Variants in SIPA1L2 observed in about 807,000 individuals in gnomAD.
SIPA1L2 encodes the protein signal-induced proliferation-associated 1-like protein 2.
A neutral mutation model predicts 163.9 loss-of-function variants in SIPA1L2; 56 were observed. The ratio of observed to expected loss-of-function variants is 0.34; its 90% confidence interval spans 0.28 to 0.43. SIPA1L2 has a LOEUF of 0.43. Among genes scored for constraint, SIPA1L2 ranks in the 20% least tolerant of loss-of-function variants. The pLI, the probability that SIPA1L2 is intolerant of heterozygous loss-of-function variation, is 1.00. For missense variants in SIPA1L2, 1,974 were observed against 2,193.5 expected, an observed-to-expected ratio of 0.90 and a Z score of 2.00; for synonymous variants, 877 against 865.7, an observed-to-expected ratio of 1.01 and a Z score of -0.23.
chr1:232,571,595 T>C (rs1659732703), intron 2 of SIPA1L2, among the ~76,000 whole-genome samples: 1 of 152,238 alleles, frequency 6.6e-6, no homozygotes, highest in African/African-American at 2.4e-5. Context: ...CCTCCAAATC[T>C]CATGTTGAAA....
intron 18 of SIPA1L2, among the ~76,000 whole-genome samples, chr1:232,424,758 C>A (rs1033362778): frequency 6.6e-6 from 1 of 152,074 alleles, no homozygotes; most frequent in African/African-American, 2.4e-5. Context: ...ACTTTGATTT[C>A]ATTTAGCCTG....
chr1:232,597,453 G>A (rs969921289), intron 1 of SIPA1L2, among the ~76,000 whole-genome samples: 20 of 151,548 alleles, frequency 1.3e-4, no homozygotes, highest in East Asian at 3.9e-4. Flanking sequence ...CAAGGTGGGC[G>A]GATCACAAGG....
chr1:232,441,392 T>C lies in SIPA1L2; in HGVS notation c.3541A>G (p.Thr1181Ala). ...DTMEASRHPE[T>A]KWHGPPSKVL... ...TTGGAAGGTGGGCCATGCCATTTGG[T>C]TTCTGTCACATAAAAAGAGAGGAGT... The change falls in exon 14 of 23, where the codon ACC becomes GCC. Residue 1181 changes from threonine to alanine, a missense_variant and splice_region_variant. Around this residue, in one of 3 missense-constraint regions of SIPA1L2, gnomAD observed 1,079 missense variants for 1,150.7 expected, o/e 0.94. Coordinates refer to ENST00000674635, the MANE Select transcript of SIPA1L2 (RefSeq NM_020808.5). The C allele has an allele frequency of 6.2e-7, 1 of 1,601,092 alleles. No homozygotes were observed. Among genetic ancestry groups the C allele is most frequent in the South Asian group, 1.1e-5 (1 of 88,482 alleles).
intron 18 of SIPA1L2, among the ~76,000 whole-genome samples, chr1:232,424,879 T>C (rs1227311510): frequency 6.6e-6 from 1 of 152,168 alleles, no homozygotes; most frequent in African/African-American, 2.4e-5. Context: ...CCATTTTTTC[T>C]GTACAAAAAT....
rs16857009 is a variant in SIPA1L2, at chr1:232,408,887, T to C, written c.4763-4709A>G. ...ATTTAAATACCTTTATCTGACCATATTACATTCTGTATGTTCTCTCACTAC... is the reference window on the plus strand; with the variant it reads ...ATTTAAATACCTTTATCTGACCATACTACATTCTGTATGTTCTCTCACTAC... On this transcript the variant is annotated intron_variant, in intron 19 of 22. Coordinates refer to ENST00000674635, the MANE Select transcript of SIPA1L2 (RefSeq NM_020808.5). Among the ~76,000 whole-genome samples the C allele has an allele frequency of 8.8e-3, 1,345 of 152,306 alleles. 26 individuals carry two copies. Among genetic ancestry groups the C allele is most frequent in the African/African-American group, 0.031 (1,274 of 41,578 alleles).
At chr1:232,468,292 C>A (rs558320147) in intron 8 of SIPA1L2, among the ~76,000 whole-genome samples, 1 of 152,146 alleles carries the variant, frequency 6.6e-6, no homozygotes. Flanking sequence ...ATATTTAAGG[C>A]CCCTCCAGCA....
intron 5 of SIPA1L2, among the ~76,000 whole-genome samples, chr1:232,484,565 T>G (rs1238612657): frequency 1.3e-5 from 2 of 152,172 alleles, no homozygotes; most frequent in Non-Finnish European, 2.9e-5. Flanking sequence ...ACGATTACAT[T>G]CATTTGTTAC....
rs900200404 is a variant in SIPA1L2 at position 232,462,202 on chromosome 1, T to A, written c.2821-1041A>T. ...CCTCAAAAGCACTCACCGAGCATAG[T>A]TTACATCCAATGAAAGAAAAACATG... On this transcript the variant is annotated intron_variant, in intron 9 of 22. Transcript: ENST00000674635. The A allele has an allele frequency of 1.8e-5, 28 of 1,549,678 alleles. No homozygotes were observed. The African/African-American group carries it at 3.7e-4, about 20-fold the overall frequency.
intron 10 of SIPA1L2, among the ~76,000 whole-genome samples, chr1:232,454,842 G>A (rs1463600724): frequency 1.3e-5 from 2 of 152,208 alleles, no homozygotes; most frequent in African/African-American, 4.8e-5. Context: ...GTAAGTTGTT[G>A]CTGTAGTTTG....
intron 3 of SIPA1L2, among the ~76,000 whole-genome samples, chr1:232,501,753 A>T (rs192740634): frequency 7.2e-4 from 110 of 152,304 alleles, no homozygotes; most frequent in Non-Finnish European, 2.8e-4. Context: ...CACTCCCCTA[A>T]GCCCTTATCC....
intron 2 of SIPA1L2, among the ~76,000 whole-genome samples, chr1:232,533,929 T>A (rs1657142387): frequency 6.6e-6 from 1 of 152,098 alleles, no homozygotes. Flanking sequence ...GTTCATGAAT[T>A]GAAAACGTAA....
At chr1:232,449,744 C>T (rs73092807) in intron 10 of SIPA1L2, among the ~76,000 whole-genome samples, 3,523 of 147,174 alleles carry the variant, frequency 0.024, 143 homozygotes, top group African/African-American at 0.082. Context: ...AAACACATCA[C>T]TGAGGAATTC....
At chr1:232,459,397 G>A (rs535608129) in intron 10 of SIPA1L2, among the ~76,000 whole-genome samples, 38 of 152,188 alleles carry the variant, frequency 2.5e-4, no homozygotes, top group Non-Finnish European at 4.9e-4. Flanking sequence ...AGAGAAAGGA[G>A]AGAGTATGAC....
intron 1 of SIPA1L2, among the ~76,000 whole-genome samples, chr1:232,596,114 A>T (rs1326399927): frequency 6.6e-6 from 1 of 152,214 alleles, no homozygotes; most frequent in East Asian, 1.9e-4. Flanking sequence ...CACAAAGAAG[A>T]GGAGAAAGAA....
chr1:232,597,123 A>G (rs2102842903), intron 1 of SIPA1L2, among the ~76,000 whole-genome samples: 1 of 152,226 alleles, frequency 6.6e-6, no homozygotes, highest in Non-Finnish European at 1.5e-5. Flanking sequence ...CATCCCAGAA[A>G]CCCCAACATC....
chr1:232,480,144 T>TGTATGTGTGC (rs1665254229), intron 6 of SIPA1L2, among the ~76,000 whole-genome samples: 2 of 136,428 alleles, frequency 1.5e-5, no homozygotes, highest in African/African-American at 6.3e-5. Context: ...CGCATCTGTG[T>TGTATGTGTGC]GTGTGTGTGC....
chr1:232,625,268 T>C (rs1445997717), intron 1 of SIPA1L2, among the ~76,000 whole-genome samples: 2 of 152,200 alleles, frequency 1.3e-5, no homozygotes, highest in African/African-American at 2.4e-5. Context: ...ACACTTCGTG[T>C]TGTTCAGCCA....
intron 3 of SIPA1L2, among the ~76,000 whole-genome samples, chr1:232,505,479 G>A (rs958150185): frequency 1.3e-5 from 2 of 152,142 alleles, no homozygotes; most frequent in African/African-American, 2.4e-5. Flanking sequence ...GAAATAATAG[G>A]GCATTCGTTC....
chr1:232,411,537 A>G (rs1264419327), intron 19 of SIPA1L2, among the ~76,000 whole-genome samples: 4 of 150,468 alleles, frequency 2.7e-5, no homozygotes, highest in African/African-American at 9.8e-5. Context: ...TCAAAGAAAA[A>G]CTCAGGTTGT....
Sources: gnomAD v4.1 joint callset for allele counts (sites outside exome capture counted in the v4.1 genomes callset) on GRCh38, gnomAD v4.1.1 for gene constraint, gnomAD v4.1.1 regional missense constraint, MANE v1.5 for transcripts, NCBI Gene and HGNC (gene_info 2026-07-23, HGNC 2026-07-21) for gene names.